The following URGCP variants were observed in gnomAD, a reference collection of about 807,000 sequenced individuals.
The protein encoded by URGCP is up-regulator of cell proliferation.
A neutral mutation model predicts 24.6 loss-of-function variants in URGCP; 13 were observed. The ratio of observed to expected loss-of-function variants is 0.53; its 90% CI spans 0.34 to 0.84. The LOEUF is 0.84. Among genes scored for constraint, URGCP ranks in the 40% least tolerant of loss-of-function variants. URGCP has a pLI of 0.01. For missense variants in URGCP, 899 were observed against 1,194.3 expected, an observed-to-expected ratio of 0.75 and a Z score of 3.64; for synonymous variants, 444 against 487.2, an observed-to-expected ratio of 0.91 and a Z score of 1.17.
Position 43,887,828 on chromosome 7 carries a change from A to G in URGCP, c.15-12T>C, listed in dbSNP as rs1194644393. ...ATTCCACTTCTATCCTAAGGAAATA[A>G]TTAAGATTTAGTTACAAAGATGTTG... On this transcript the variant is annotated splice_polypyrimidine_tract_variant and intron_variant, in intron 1 of 5. Transcript: ENST00000453200. The G allele has an allele frequency of 1.3e-6, 2 of 1,503,410 alleles. No individual in the cohort carries two copies. The highest frequency in any genetic ancestry group is 4.0e-5 in the Admixed American group (2 of 49,534). The allele number at this position is 1,503,410 out of a possible 1,614,324, so 93.1% of individuals were successfully genotyped here. A position where few individuals can be genotyped will look rare whatever the true frequency, so the allele number is the denominator to read the frequency against.
Position 43,878,789 on chromosome 7 carries a change from T to C in URGCP, c.674A>G (p.His225Arg), listed in dbSNP as rs2095849539. ...LVLPDSENHYHTFLLWAMRGI... is the reference protein window; with the variant it reads ...LVLPDSENHYRTFLLWAMRGI... The stretch of plus-strand genomic sequence containing the variant: ...CCGCATGGCCCACAGCAGAAATGTA[T>C]GGTAGTGGTTCTCCGAGTCAGGCAA... Residue 225 changes from histidine to arginine, a missense_variant, in exon 6 of 6, where the codon CAT becomes CGT. Physicochemically the swap from His to Arg is conservative, Grantham distance 29. Coordinates refer to ENST00000453200, the MANE Select transcript of URGCP (RefSeq NM_001077663.3). The surrounding 1 kb of genome is among the most constrained non-coding windows in gnomAD (Gnocchi z 5.6). 1 of 1,613,964 alleles carries C rather than the reference T, an allele frequency of 6.2e-7. No individual in the cohort carries two copies. Among genetic ancestry groups the C allele is most frequent in the Non-Finnish European group, 8.5e-7 (1 of 1,179,926 alleles).
intron 1 of URGCP, among the ~76,000 whole-genome samples, chr7:43,904,703 G>A (rs150775590): frequency 2.0e-5 from 3 of 152,190 alleles, no homozygotes; most frequent in Non-Finnish European, 4.4e-5. Context: ...TAACAACAGG[G>A]ATACATTCTG....
chr7:43,899,574 CATA>C (rs1466678986), intron 1 of URGCP, among the ~76,000 whole-genome samples: 1 of 151,988 alleles, frequency 6.6e-6, no homozygotes, highest in Admixed American at 6.6e-5. Flanking sequence ...GAAAATAGAA[CATA>C]ATAATTAAAT....
intron 1 of URGCP, chr7:43,920,016 C>A: frequency 7.6e-7 from 1 of 1,322,420 alleles, no homozygotes; most frequent in Non-Finnish European, 1.1e-6. Context: ...TACCACATGG[C>A]CACATGGCCA....
intron 3 of URGCP, among the ~76,000 whole-genome samples, chr7:43,884,364 A>G (rs1294965664): frequency 6.6e-6 from 1 of 152,186 alleles, no homozygotes; most frequent in African/African-American, 2.4e-5. Context: ...CGTCTCCACT[A>G]TACTTCACAT....
intron 1 of URGCP, among the ~76,000 whole-genome samples, chr7:43,897,267 C>T (rs959051464): frequency 7.9e-5 from 12 of 152,270 alleles, no homozygotes; most frequent in South Asian, 6.2e-4. Context: ...TTAAGTGCTA[C>T]AGAGAAAACA....
chr7:43,902,096 G>A (rs758514143), intron 1 of URGCP, among the ~76,000 whole-genome samples: 1 of 150,930 alleles, frequency 6.6e-6, no homozygotes, highest in Non-Finnish European at 1.5e-5. Context: ...GGGGAGGAAC[G>A]GAGACAGAAC....
In URGCP at chr7:43,878,978, T is replaced by A; in HGVS notation, c.485A>T (p.Asp162Val). Residue 162 changes from aspartate to valine, a missense_variant, in exon 6 of 6, where the codon GAT (aspartate) becomes GTT (valine). Physicochemically the swap from Asp to Val is radical, Grantham distance 152 (BLOSUM62 -3). Transcript: ENST00000453200. The surrounding 1 kb of genome is among the most constrained non-coding windows in gnomAD (Gnocchi z 5.6). ...GGAATAAATGTCGGCAGCAAGGTCA[T>A]CAGCTGGGTCCCAGTAGATGATCTC... ...EEEIIYWDPA[D>V]DLAADIYSFS... is the part of the protein sequence containing the mutation. 2.5e-6 allele frequency: 4 copies of A among 1,614,202 alleles called. No homozygotes were observed. Among genetic ancestry groups the A allele is most frequent in the Non-Finnish European group, 3.4e-6 (4 of 1,180,030 alleles).
chr7:43,877,657 C>G lies in URGCP; in HGVS notation c.1806G>C (p.Val602=), dbSNP rs187978941. 8 of 1,614,002 alleles carry G rather than the reference C, an allele frequency of 5.0e-6. No homozygotes were observed. Among genetic ancestry groups the G allele is most frequent in the African/African-American group, 2.7e-5 (2 of 74,932 alleles). The change falls in exon 6 of 6, where the codon GTG becomes GTC. Residue 602 remains valine (V), a synonymous_variant. Coordinates refer to ENST00000453200, the MANE Select transcript of URGCP (RefSeq NM_001077663.3). Reference sequence around the variant, plus strand: ...GGGGCTCAGGCCAGAGCGGCTCCCCCACGTCTGTGGTGCCCCCATGCTTTG... The same window carrying G: ...GGGGCTCAGGCCAGAGCGGCTCCCCGACGTCTGTGGTGCCCCCATGCTTTG... ...LRPKHGGTTD[V]GEPLWPEPLG...
At chr7:43,884,546 A>G (rs999411320) in intron 3 of URGCP, among the ~76,000 whole-genome samples, 20 of 152,166 alleles carry the variant, frequency 1.3e-4, no homozygotes, top group African/African-American at 4.8e-4. Context: ...AACCATTTTC[A>G]AGCCAGGTGG....
At chr7:43,892,929 A>G (rs2095873117) in intron 1 of URGCP, among the ~76,000 whole-genome samples, 3 of 152,214 alleles carry the variant, frequency 2.0e-5, no homozygotes, top group Admixed American at 2.0e-4. Context: ...GGAATGTTAT[A>G]TCTGAAAGCA....
intron 1 of URGCP, among the ~76,000 whole-genome samples, chr7:43,921,269 TG>T (rs2095922106): frequency 6.6e-6 from 1 of 150,866 alleles, no homozygotes; most frequent in Non-Finnish European, 1.5e-5. Flanking sequence ...GAGCTTGCAG[TG>T]AGCTGAGATC....
At chr7:43,911,570 G>A (rs930436527), upstream of URGCP, among the ~76,000 whole-genome samples, 1 of 152,098 alleles carries the variant, frequency 6.6e-6, no homozygotes, top group African/African-American at 2.4e-5. Context: ...GGCGGTGGAT[G>A]TCTGTAATCC....
At chr7:43,912,668 T>A (rs2095911237) in intron 1 of URGCP, among the ~76,000 whole-genome samples, 1 of 152,178 alleles carries the variant, frequency 6.6e-6, no homozygotes. Flanking sequence ...AATAGTGACA[T>A]CTTAACAATA....
chr7:43,878,431 G>A lies in URGCP; in HGVS notation c.1032C>T (p.His344=), dbSNP rs1227173209. The change falls in exon 6 of 6, where the codon CAC becomes CAT. Residue 344 remains histidine, a synonymous_variant. Transcript: ENST00000453200. This position sits in a 1 kb window ranked among gnomAD's most constrained non-coding sequence, Gnocchi z 5.6. ...FLNLRGDIGS[H]WLQFKLLTEI... ...CTGTCAAGAGCTTAAACTGCAGCCA[G>A]TGAGACCCGATGTCACCTCTCAGGT... is the stretch of plus-strand genomic sequence containing the variant. 1 of 1,614,202 alleles carries A rather than the reference G, an allele frequency of 6.2e-7. No individual in the cohort carries two copies. Among genetic ancestry groups the A allele is most frequent in the South Asian group, 1.1e-5 (1 of 91,090 alleles).
chr7:43,906,669 C>A, upstream of URGCP: 1 of 1,107,214 alleles, frequency 9.0e-7, no homozygotes, highest in South Asian at 4.3e-5. Flanking sequence ...GGCCGCCCGC[C>A]CGCTCCGGGA....
At chr7:43,918,966 A>G (rs1185904535) in intron 1 of URGCP, 3 of 1,330,930 alleles carry the variant, frequency 2.3e-6, no homozygotes, top group Non-Finnish European at 3.3e-6. Flanking sequence ...CCCAGAGAAC[A>G]TCTACCTGTC....
intron 1 of URGCP, among the ~76,000 whole-genome samples, chr7:43,915,160 C>G (rs1451979857): frequency 6.6e-6 from 1 of 152,184 alleles, no homozygotes; most frequent in Non-Finnish European, 1.5e-5. Context: ...AAATTCTGCT[C>G]TCCTCACCTT....
chr7:43,882,625 A>G (rs902182943), intron 3 of URGCP, among the ~76,000 whole-genome samples: 1 of 152,022 alleles, frequency 6.6e-6, no homozygotes, highest in African/African-American at 2.4e-5. Flanking sequence ...AAAAACACCA[A>G]ACAACAACAA....
Sources: allele counts gnomAD v4.1 joint callset (sites outside exome capture counted in the v4.1 genomes callset), GRCh38; gene constraint gnomAD v4.1.1; non-coding constraint Gnocchi (gnomAD v3.1); transcripts MANE v1.5; gene names NCBI Gene and HGNC (gene_info 2026-07-23, HGNC 2026-07-21).